KANK1: variants seen among roughly 807,000 people sequenced by gnomAD.
KANK1 encodes the protein KN motif and ankyrin repeat domains 1.
KANK1 carries 109 observed loss-of-function variants against 106.2 expected under a neutral mutation model. The observed-to-expected ratio is 1.03, with a 90% CI of 0.88 to 1.20. The LOEUF is 1.20. Among genes scored for constraint, KANK1 ranks in the 50% most tolerant of loss-of-function variants. The pLI, the probability that KANK1 is intolerant of heterozygous loss-of-function variation, is 0.00. For missense variants in KANK1, 2,399 were observed against 1,710.7 expected, an observed-to-expected ratio of 1.40 and a Z score of -7.10; for synonymous variants, 873 against 652.2, an observed-to-expected ratio of 1.34 and a Z score of -5.16.
At chr9:713,520 C>T (rs1826801414) in intron 3 of KANK1, 56 bp downstream of exon 3, 12 of 1,502,578 alleles carry the variant, frequency 8.0e-6, no homozygotes, top group African/African-American at 1.4e-5. Flanking sequence ...AATGTCTTTC[C>T]AGAAGCTAAG....
At chr9:737,483 C>A (rs1316262155) in intron 7 of KANK1, among the ~76,000 whole-genome samples, 1 of 152,194 alleles carries the variant, frequency 6.6e-6, no homozygotes, top group Non-Finnish European at 1.5e-5. Context: ...CTGTAGTCAT[C>A]CTCATCACCA....
intron 1 of KANK1, among the ~76,000 whole-genome samples, chr9:613,382 C>T (rs1045366995): frequency 2.0e-5 from 3 of 151,426 alleles, no homozygotes; most frequent in Non-Finnish European, 4.4e-5. Context: ...TTGTCCAACC[C>T]ATGGCCCACA....
intron 1 of KANK1, among the ~76,000 whole-genome samples, chr9:582,391 A>G (rs922268863): frequency 2.0e-5 from 3 of 152,212 alleles, no homozygotes; most frequent in East Asian, 1.9e-4. Context: ...ATAAATCTTC[A>G]GTGAACTAAT....
In KANK1 at chr9:745,259, T is replaced by G. The variant is rs1440734190; in HGVS notation, c.*24T>G. The G allele has an allele frequency of 6.2e-7, 1 of 1,613,838 alleles. No individual in the cohort carries two copies. Among genetic ancestry groups the G allele is most frequent in the African/African-American group, 1.3e-5 (1 of 75,048 alleles). On this transcript the variant is annotated 3_prime_UTR_variant, in exon 12 of 12. Coordinates refer to ENST00000382297, the MANE Select transcript of KANK1 (RefSeq NM_015158.5). ...GATTGTATGCAAATAGCCCTTTATT[T>G]ACATGCCACTATTAAGCTGCTAATT...
At chr9:634,249 T>C (rs1052707954) in intron 1 of KANK1, among the ~76,000 whole-genome samples, 15 of 152,234 alleles carry the variant, frequency 9.9e-5, no homozygotes, top group Non-Finnish European at 1.9e-4. Flanking sequence ...ACTTAGGGAA[T>C]GGGTGCTGCT....
At chr9:600,544 A>G (rs1827480798) in intron 1 of KANK1, among the ~76,000 whole-genome samples, 1 of 151,958 alleles carries the variant, frequency 6.6e-6, no homozygotes, top group East Asian at 1.9e-4. Context: ...CCTTTTAGGT[A>G]TGTGTATGAG....
chr9:610,105 C>T (rs149399762), intron 1 of KANK1, among the ~76,000 whole-genome samples: 41 of 152,232 alleles, frequency 2.7e-4, no homozygotes, highest in South Asian at 8.3e-4. Context: ...TAATTCTTTG[C>T]TACTTTAAGT....
At chr9:624,463 A>G (rs1051352842) in intron 1 of KANK1, among the ~76,000 whole-genome samples, 1 of 152,140 alleles carries the variant, frequency 6.6e-6, no homozygotes, top group Non-Finnish European at 1.5e-5. Context: ...TTATTCCTCA[A>G]TAAAATTAGG....
chr9:629,077 CAAA>C (rs34834497), intron 1 of KANK1, among the ~76,000 whole-genome samples: 23 of 132,666 alleles, frequency 1.7e-4, no homozygotes, highest in Non-Finnish European at 2.7e-4. Context: ...CAACTGTTTC[CAAA>C]AAAAAAAAAA....
chr9:502,456 GTT>G (rs1414093126), upstream of KANK1, among the ~76,000 whole-genome samples: 1 of 151,814 alleles, frequency 6.6e-6, no homozygotes, highest in Non-Finnish European at 1.5e-5. Context: ...GCCTATCAAT[GTT>G]TACTGACTAA....
At chr9:660,514 G>C (rs1843055909) in intron 1 of KANK1, among the ~76,000 whole-genome samples, 1 of 152,074 alleles carries the variant, frequency 6.6e-6, no homozygotes, top group Non-Finnish European at 1.5e-5. Context: ...GTCTAGTCTT[G>C]AAGTCCCTCA....
At chr9:684,062 C>T (rs1818072583) in intron 2 of KANK1, 1 of 588,072 alleles carries the variant, frequency 1.7e-6, no homozygotes, top group Non-Finnish European at 2.1e-6. Context: ...CCTCAGAATT[C>T]ACCCAGCCCC....
chr9:540,373 C>G (rs917932041), intron 1 of KANK1: 1 of 152,156 alleles, frequency 6.6e-6, no homozygotes, highest in Non-Finnish European at 1.5e-5. Context: ...CTTTGCATCC[C>G]AGGGATAAAT....
At chr9:500,203 G>T (rs140486601), upstream of KANK1, among the ~76,000 whole-genome samples, 4 of 152,102 alleles carry the variant, frequency 2.6e-5, no homozygotes, top group Non-Finnish European at 5.9e-5. Flanking sequence ...AAAATGGGGA[G>T]AAAAAATAGT....
At chr9:645,405 A>G (rs1839443283) in intron 1 of KANK1, among the ~76,000 whole-genome samples, 1 of 141,172 alleles carries the variant, frequency 7.1e-6, no homozygotes, top group South Asian at 2.2e-4. Context: ...ATACCACTAC[A>G]CTCCAGGCTG....
chr9:486,373 A>ATTACCTCTTACAAAATGT (rs768794417), intron 3 of KANK1, among the ~76,000 whole-genome samples: 1 of 152,142 alleles, frequency 6.6e-6, no homozygotes, highest in Non-Finnish European at 1.5e-5. Flanking sequence ...CATCATCACC[A>ATTACCTCTTACAAAATGT]TTACCTCTTA....
chr9:726,194 C>A (rs1027941087), intron 3 of KANK1, among the ~76,000 whole-genome samples: 1 of 151,714 alleles, frequency 6.6e-6, no homozygotes, highest in Non-Finnish European at 1.5e-5. Context: ...TTCTGGTGTG[C>A]TAGGGCAGGC....
chr9:644,313 C>T (rs1839178370), intron 1 of KANK1, among the ~76,000 whole-genome samples: 2 of 150,872 alleles, frequency 1.3e-5, no homozygotes, highest in South Asian at 4.1e-4. Flanking sequence ...ATGGTGACTA[C>T]CTATGATTTG....
At chr9:641,101 C>G (rs988765771) in intron 1 of KANK1, among the ~76,000 whole-genome samples, 1 of 152,128 alleles carries the variant, frequency 6.6e-6, no homozygotes, top group African/African-American at 2.4e-5. Flanking sequence ...ATAGCCCAAA[C>G]CAATTTTCCA....
Sources: allele counts gnomAD v4.1 joint callset (sites outside exome capture counted in the v4.1 genomes callset), GRCh38; gene constraint gnomAD v4.1.1; transcripts MANE v1.5; gene names NCBI Gene and HGNC (gene_info 2026-07-23, HGNC 2026-07-21).